NDUFA9: variants seen among roughly 807,000 people sequenced by gnomAD.
NDUFA9 encodes NADH dehydrogenase [ubiquinone] 1 alpha subcomplex subunit 9, mitochondrial.
A neutral mutation model predicts 45.9 loss-of-function variants in NDUFA9; 23 were observed. That is an observed-to-expected ratio of 0.50 (90% CI 0.36 to 0.71). NDUFA9 has a LOEUF of 0.71. NDUFA9 is among the 30% of genes least tolerant of loss of function. The pLI, the probability that NDUFA9 is intolerant of heterozygous loss-of-function variation, is 0.00. For missense variants in NDUFA9, 466 were observed against 488.2 expected (o/e 0.95, Z 0.43); for synonymous variants, 176 against 170.5 (o/e 1.03, Z -0.25).
intron 9 of NDUFA9, among the ~76,000 whole-genome samples, chr12:4,683,450 G>A (rs930134894): frequency 2.0e-5 from 3 of 152,122 alleles, no homozygotes; most frequent in African/African-American, 7.2e-5. Context: ...TAGGTACTCA[G>A]AAGGTTACAA....
intron 7 of NDUFA9, 44 bp downstream of exon 7, chr12:4,668,568 A>G: frequency 6.6e-7 from 1 of 1,511,116 alleles, no homozygotes; most frequent in Non-Finnish European, 9.2e-7. Flanking sequence ...TTTTTGATGA[A>G]TTCAGATTTG....
chr12:4,661,602 T>C (rs1427912354), intron 5 of NDUFA9, among the ~76,000 whole-genome samples: 1 of 151,640 alleles, frequency 6.6e-6, no homozygotes, highest in Non-Finnish European at 1.5e-5. Flanking sequence ...GTTTACAATA[T>C]TGGCAAGAGA....
chr12:4,681,710 T>C (rs933903840), intron 8 of NDUFA9, among the ~76,000 whole-genome samples: 7 of 151,608 alleles, frequency 4.6e-5, no homozygotes, highest in African/African-American at 9.7e-5. Flanking sequence ...AAAGTCTACA[T>C]TGACCCAGTT....
intron 6 of NDUFA9, among the ~76,000 whole-genome samples, chr12:4,668,071 A>AT (rs1421910457): frequency 6.6e-6 from 1 of 152,134 alleles, no homozygotes; most frequent in Non-Finnish European, 1.5e-5. Context: ...TCATCTAGAT[A>AT]TTAACTAGAT....
rs990215436 is a variant in NDUFA9, at chr12:4,662,627, C to G, written c.647C>G (p.Ser216Cys). 1.9e-6 allele frequency: 3 copies of G among 1,612,362 alleles called. No individual in the cohort carries two copies. The highest frequency in any genetic ancestry group is 2.5e-6 in the Non-Finnish European group (3 of 1,178,662). Residue 216 changes from serine (S) to cysteine (C), a missense_variant, in exon 6 of 11, where the codon TCT becomes TGT. Physicochemically the swap from Ser to Cys is moderately radical, Grantham distance 112. Coordinates refer to ENST00000266544, the MANE Select transcript of NDUFA9 (RefSeq NM_005002.5). ...GGAAGAGAGGATAGATTCCTTAATT[C>G]TTTTGCAAGTACGTATTCTTTCTTA... The part of the protein sequence containing the change: ...IFGREDRFLN[S>C]FASMHRFGPI...
In NDUFA9 at chr12:4,687,580, T is replaced by G. The variant is rs1413006410; in HGVS notation, c.*472T>G. Reference sequence around the variant, plus strand: ...TCCATATGCCTTTTAAAAATAGTAGTACATATATAGAAAAACATTGTCCAT... The same window carrying G: ...TCCATATGCCTTTTAAAAATAGTAGGACATATATAGAAAAACATTGTCCAT... On this transcript the variant is annotated 3_prime_UTR_variant, in exon 11 of 11. Transcript: ENST00000266544. 1 of 152,356 alleles carries G rather than the reference T, an allele frequency of 6.6e-6. No homozygotes were observed. The highest frequency in any genetic ancestry group is 1.5e-5 in the Non-Finnish European group (1 of 68,166). The allele number at this position is 152,356 out of a possible 1,614,324, so 9.4% of individuals were successfully genotyped here. A position where few individuals can be genotyped will look rare whatever the true frequency, so the allele number is the denominator to read the frequency against.
intron 8 of NDUFA9, among the ~76,000 whole-genome samples, chr12:4,676,023 C>G (rs1397872674): frequency 6.6e-6 from 1 of 152,200 alleles, no homozygotes; most frequent in Non-Finnish European, 1.5e-5. Context: ...ATCACATAAA[C>G]AGAACCAATG....
In NDUFA9 at chr12:4,686,952, C is replaced by T; in HGVS notation, c.978C>T (p.Asp326=). 1 of 1,614,068 alleles carries T rather than the reference C, an allele frequency of 6.2e-7. No individual in the cohort carries two copies. The highest frequency in any genetic ancestry group is 8.5e-7 in the Non-Finnish European group (1 of 1,180,004). The change falls in exon 11 of 11, where the codon GAC becomes GAT. Residue 326 remains aspartate (D), a synonymous_variant. Coordinates refer to ENST00000266544, the MANE Select transcript of NDUFA9 (RefSeq NM_005002.5). ...TTTATCCAAAGATGCACATCACAGA[C>T]ATGAAATTGCCTCACCTGCCTGGCT... ...RDKVERMHIT[D]MKLPHLPGLE... is the part of the protein sequence containing the mutation.
intron 8 of NDUFA9, among the ~76,000 whole-genome samples, chr12:4,676,630 T>A (rs1372538299): frequency 6.6e-6 from 1 of 152,110 alleles, no homozygotes; most frequent in East Asian, 1.9e-4. Context: ...CAACCACTGC[T>A]CAAGTAAATA....
In NDUFA9 at chr12:4,654,458, C is replaced by T. The variant is rs1261584444; in HGVS notation, c.216C>T (p.His72=). 6.2e-7 allele frequency: 1 copy of T among 1,613,844 alleles called. No individual in the cohort carries two copies. The highest frequency in any genetic ancestry group is 1.3e-5 in the African/African-American group (1 of 74,902). ...TGFLGRYVVN[H]LGRMGSQVII... is the part of the protein sequence containing the mutation. ...TCCTGGGGCGATATGTTGTCAACCA[C>T]CTTGGTAAGTAAAGTTCCTTAAGTT... The change falls in exon 2 of 11, where the codon CAC becomes CAT. Residue 72 remains histidine (H), a synonymous_variant. Coordinates refer to ENST00000266544, the MANE Select transcript of NDUFA9 (RefSeq NM_005002.5).
intron 8 of NDUFA9, among the ~76,000 whole-genome samples, chr12:4,681,264 A>G (rs1380909196): frequency 6.6e-6 from 1 of 152,220 alleles, no homozygotes; most frequent in African/African-American, 2.4e-5. Context: ...TAAATTAAAC[A>G]GTTAAAATTT....
At chr12:4,660,238 G>A (rs916406502) in intron 5 of NDUFA9, among the ~76,000 whole-genome samples, 2 of 152,148 alleles carry the variant, frequency 1.3e-5, no homozygotes, top group African/African-American at 2.4e-5. Flanking sequence ...CCTAGGCTGC[G>A]CTCCAGACCA....
intron 6 of NDUFA9, among the ~76,000 whole-genome samples, chr12:4,663,583 G>T (rs1055130951): frequency 6.6e-6 from 1 of 152,180 alleles, no homozygotes; most frequent in African/African-American, 2.4e-5. Flanking sequence ...GAAATCTGCT[G>T]TCTACAAGCC....
intron 9 of NDUFA9, 57 bp from the exon 10 acceptor site, chr12:4,685,202 T>C (rs944589995): frequency 1.4e-6 from 2 of 1,461,916 alleles, no homozygotes; most frequent in Non-Finnish European, 1.9e-6. Context: ...ATAGGCTAGC[T>C]TACATCTTGG....
chr12:4,688,823 T>G lies in NDUFA9; in HGVS notation c.*1715T>G, dbSNP rs1366617037. 2.0e-5 allele frequency: 3 copies of G among 152,250 alleles called. No individual in the cohort carries two copies. Among genetic ancestry groups the G allele is most frequent in the African/African-American group, 7.2e-5 (3 of 41,464 alleles). The allele number at this position is 152,250 out of a possible 1,614,324, so 9.4% of individuals were successfully genotyped here. On this transcript the variant is annotated 3_prime_UTR_variant, in exon 11 of 11. Transcript: ENST00000266544. ...AACTTCACGTTTTTTCTTCAGATGC[T>G]GTCTGTTATTTTGGATGACACCCCT...
chr12:4,655,031 A>T, intron 3 of NDUFA9, 109 bp downstream of exon 3: 1 of 787,782 alleles, frequency 1.3e-6, no homozygotes, highest in Non-Finnish European at 2.0e-6. Context: ...GAATGGACCA[A>T]AGGCATCCTC....
chr12:4,669,656 C>A, intron 7 of NDUFA9, 85 bp from the exon 8 acceptor site: 2 of 860,270 alleles, frequency 2.3e-6, no homozygotes, highest in East Asian at 5.2e-5. Flanking sequence ...TCCTTTTTCT[C>A]TTCTTTCCTT....
chr12:4,679,599 C>A (rs1945940729), intron 8 of NDUFA9, among the ~76,000 whole-genome samples: 1 of 152,166 alleles, frequency 6.6e-6, no homozygotes, highest in East Asian at 1.9e-4. Flanking sequence ...GAGTGAGTGA[C>A]AGCATAGAGA....
At chr12:4,652,958 GAAAC>G (rs1433658503) in intron 1 of NDUFA9, among the ~76,000 whole-genome samples, 1 of 152,212 alleles carries the variant, frequency 6.6e-6, no homozygotes, top group Non-Finnish European at 1.5e-5. Context: ...GTCATCCCTA[GAAAC>G]AAACACAGAT....
Sources: gnomAD v4.1 joint callset for allele counts (sites outside exome capture counted in the v4.1 genomes callset) on GRCh38, gnomAD v4.1.1 for gene constraint, MANE v1.5 for transcripts, NCBI Gene and HGNC (gene_info 2026-07-23, HGNC 2026-07-21) for gene names.